The following CAPRIN1 variants were observed in gnomAD, a reference collection of about 807,000 sequenced individuals.
CAPRIN1 encodes caprin-1.
A neutral mutation model predicts 100.9 loss-of-function variants in CAPRIN1; 29 were observed. The ratio of observed to expected loss-of-function variants is 0.29; its 90% confidence interval spans 0.21 to 0.39. The LOEUF is 0.39. CAPRIN1 is among the 10% of genes least tolerant of loss of function. CAPRIN1 has a pLI of 1.00. For synonymous variants in CAPRIN1, 338 were observed against 307.5 expected, an observed-to-expected ratio of 1.10 and a Z score of -1.04; for missense variants, 795 against 876.7, an observed-to-expected ratio of 0.91 and a Z score of 1.18.
At chr11:34,079,538 T>C in intron 6 of CAPRIN1, 90 bp from the exon 7 acceptor site, 1 of 1,063,016 alleles carries the variant, frequency 9.4e-7, no homozygotes, top group Non-Finnish European at 1.4e-6. Flanking sequence ...AGTTATTTTT[T>C]AATCACAATA....
intron 2 of CAPRIN1, among the ~76,000 whole-genome samples, chr11:34,066,213 C>T (rs1850689210): frequency 6.6e-6 from 1 of 152,128 alleles, no homozygotes; most frequent in South Asian, 2.1e-4. Context: ...TACTCTTGAG[C>T]TCAGATGGTT....
chr11:34,079,987 G>T (rs1425759645), intron 7 of CAPRIN1, among the ~76,000 whole-genome samples: 1 of 140,548 alleles, frequency 7.1e-6, no homozygotes, highest in African/African-American at 2.7e-5. Flanking sequence ...GCAGTGGCGT[G>T]ATCTCGGCTC....
intron 18 of CAPRIN1, 58 bp downstream of exon 18, chr11:34,097,819 AAG>A (rs1031788444): frequency 4.3e-6 from 7 of 1,613,288 alleles, no homozygotes; most frequent in Non-Finnish European, 5.1e-6. Context: ...CTGGCCTTGG[AAG>A]AGCTGTTAAT....
Position 34,088,876 on chromosome 11 carries a change from G to A in CAPRIN1, c.1232-519G>A, listed in dbSNP as rs146288153. Among the ~76,000 whole-genome samples, 194 of 152,192 alleles carry A rather than the reference G, an allele frequency of 1.3e-3. 1 individual carries two copies. The highest frequency in any genetic ancestry group is 6.8e-3 in the Middle Eastern group (2 of 294). ...AACTATTAAATAATAACCACTGCCG[G>A]TAAACCAAAATGCTCACTTGAAAGC... On this transcript the variant is annotated intron_variant, in intron 11 of 18. Coordinates refer to ENST00000341394, the MANE Select transcript of CAPRIN1 (RefSeq NM_005898.5).
Position 34,071,895 on chromosome 11 carries a change from T to A in CAPRIN1, c.280-6T>A. 6.2e-7 allele frequency: 1 copy of A among 1,611,118 alleles called. No individual in the cohort carries two copies. The highest frequency in any genetic ancestry group is 8.5e-7 in the Non-Finnish European group (1 of 1,178,094). On this transcript the variant is annotated splice_region_variant and splice_polypyrimidine_tract_variant and intron_variant, in intron 3 of 18. Coordinates refer to ENST00000341394, the MANE Select transcript of CAPRIN1 (RefSeq NM_005898.5). Reference sequence around the variant, plus strand: ...CCAGTAAAGTTTGGGTTCTTTGTCATTTTAGGATGCCGTTTCTAAGTACCA... The same window carrying A: ...CCAGTAAAGTTTGGGTTCTTTGTCAATTTAGGATGCCGTTTCTAAGTACCA...
intron 2 of CAPRIN1, among the ~76,000 whole-genome samples, chr11:34,057,258 A>G (rs1011971837): frequency 7.2e-5 from 11 of 152,202 alleles, no homozygotes; most frequent in African/African-American, 2.4e-4. Context: ...CTTGTCATAG[A>G]AAAAAGCTGT....
chr11:34,052,737 C>G (rs1041558500), intron 2 of CAPRIN1, 101 bp downstream of exon 2: 2 of 1,433,674 alleles, frequency 1.4e-6, no homozygotes, highest in Admixed American at 2.3e-5. Flanking sequence ...GTCTCGGGAG[C>G]GTTACTAGGT....
chr11:34,074,056 A>G (rs1024734772), intron 4 of CAPRIN1, among the ~76,000 whole-genome samples: 2 of 152,066 alleles, frequency 1.3e-5, no homozygotes, highest in Non-Finnish European at 2.9e-5. Context: ...TAGCTCCCAA[A>G]AGGCCCACCC....
chr11:34,090,624 T>G lies in CAPRIN1; in HGVS notation c.1500T>G (p.Pro500=). 6.2e-7 allele frequency: 1 copy of G among 1,614,168 alleles called. No individual in the cohort carries two copies. Among genetic ancestry groups the G allele is most frequent in the Non-Finnish European group, 8.5e-7 (1 of 1,179,996 alleles). Residue 500 remains proline, a synonymous_variant, in exon 14 of 19, where the codon CCT becomes CCG. Coordinates refer to ENST00000341394, the MANE Select transcript of CAPRIN1 (RefSeq NM_005898.5). The stretch of plus-strand genomic sequence containing the variant: ...TATTTCAGGCTGGGACAAGCAAACC[T>G]TTACATAGCAGTGGAATCAATGTAA... ...PQVFQAGTSK[P]LHSSGINVNA... is the part of the protein sequence containing the mutation.
intron 9 of CAPRIN1, among the ~76,000 whole-genome samples, chr11:34,083,712 G>A (rs548717760): frequency 2.6e-5 from 4 of 152,280 alleles, no homozygotes; most frequent in African/African-American, 4.8e-5. Context: ...CCAAGGTGCA[G>A]GAAAATAGCT....
At chr11:34,057,731 A>T (rs376486916) in intron 2 of CAPRIN1, among the ~76,000 whole-genome samples, 6 of 152,110 alleles carry the variant, frequency 3.9e-5, no homozygotes, top group Middle Eastern at 6.8e-3. Context: ...ATTTATTATC[A>T]TTATTTGAGA....
intron 2 of CAPRIN1, among the ~76,000 whole-genome samples, chr11:34,064,199 G>C (rs941430944): frequency 4.6e-5 from 7 of 152,162 alleles, no homozygotes; most frequent in African/African-American, 1.7e-4. Flanking sequence ...CCATGTTCCA[G>C]CCCAGGAAAG....
At position 34,097,220 on chromosome 11, in the gene CAPRIN1, C is replaced by T. The variant is rs1260565202; in HGVS notation, c.1925C>T (p.Ser642Leu). Residue 642 changes from serine (S) to leucine (L), a missense_variant, in exon 17 of 19, where the codon TCA becomes TTA. Around this residue, in one of 3 missense-constraint regions of CAPRIN1, gnomAD observed 648 missense variants for 697.9 expected, o/e 0.93. Transcript: ENST00000341394. Reference protein sequence around the residue: ...FRGGYDGYRPSFSNTPNSGYT... With the variant: ...FRGGYDGYRPLFSNTPNSGYT... ...GGAGGATATGATGGTTACCGCCCTTCATTCTCTAACACTCCAAACAGTGGT... is the reference window on the plus strand; with the variant it reads ...GGAGGATATGATGGTTACCGCCCTTTATTCTCTAACACTCCAAACAGTGGT... The T allele has an allele frequency of 6.2e-7, 1 of 1,613,402 alleles. No homozygotes were observed. Among genetic ancestry groups the T allele is most frequent in the East Asian group, 2.2e-5 (1 of 44,870 alleles).
chr11:34,058,154 G>T (rs1344819808), intron 2 of CAPRIN1, among the ~76,000 whole-genome samples: 1 of 151,744 alleles, frequency 6.6e-6, no homozygotes, highest in Non-Finnish European at 1.5e-5. Context: ...AGTTTTTTTT[G>T]AAACAGAATC....
intron 2 of CAPRIN1, among the ~76,000 whole-genome samples, chr11:34,060,558 TAAAA>T (rs960743997): frequency 5.6e-4 from 85 of 152,196 alleles, no homozygotes; most frequent in African/African-American, 2.0e-3. Context: ...TTTTAGTCAT[TAAAA>T]AACCCTTTGG....
intron 2 of CAPRIN1, among the ~76,000 whole-genome samples, chr11:34,056,969 T>G (rs73497035): frequency 0.087 from 13,181 of 152,268 alleles, 596 homozygotes; most frequent in African/African-American, 0.096. Flanking sequence ...GTTAGTAGTA[T>G]TCTTTAAAAA....
At chr11:34,088,641 C>CCA (rs1851197779) in intron 11 of CAPRIN1, among the ~76,000 whole-genome samples, 1 of 152,144 alleles carries the variant, frequency 6.6e-6, no homozygotes, top group African/African-American at 2.4e-5. Flanking sequence ...CCACTGCACT[C>CCA]CAGCCTGGGC....
At chr11:34,061,423 G>T (rs1009441245) in intron 2 of CAPRIN1, among the ~76,000 whole-genome samples, 1 of 151,740 alleles carries the variant, frequency 6.6e-6, no homozygotes, top group African/African-American at 2.4e-5. Context: ...GCCCAGGCTG[G>T]TCTCAAACTC....
intron 15 of CAPRIN1, among the ~76,000 whole-genome samples, chr11:34,095,042 C>G (rs943084103): frequency 6.6e-6 from 1 of 152,032 alleles, no homozygotes; most frequent in Non-Finnish European, 1.5e-5. Context: ...ACCACCATGC[C>G]TGGCTAATTT....
Sources: gnomAD v4.1 joint callset for allele counts (sites outside exome capture counted in the v4.1 genomes callset) on GRCh38, gnomAD v4.1.1 for gene constraint, gnomAD v4.1.1 regional missense constraint, MANE v1.5 for transcripts, NCBI Gene and HGNC (gene_info 2026-07-23, HGNC 2026-07-21) for gene names.